The following MERTK variants were observed in gnomAD, a reference collection of about 807,000 sequenced individuals.
MERTK encodes tyrosine-protein kinase Mer.
MERTK carries 69 observed loss-of-function variants against 99.3 expected under a neutral mutation model. The observed-to-expected ratio is 0.70, with a 90% confidence interval of 0.57 to 0.85. MERTK has a LOEUF of 0.85. MERTK is among the 40% of genes least tolerant of loss of function. The pLI is 0.00. For synonymous variants in MERTK, 426 were observed against 467.6 expected (o/e 0.91, Z 1.15); for missense variants, 1,125 against 1,249.4 (o/e 0.90, Z 1.50).
At position 111,917,652 on chromosome 2, in the gene MERTK, C is replaced by T. The variant is rs148925013; in HGVS notation, c.62-11468C>T. Among the ~76,000 whole-genome samples, 1,497 of 152,122 alleles carry T rather than the reference C, an allele frequency of 9.8e-3. 28 individuals are homozygous for T. The highest frequency in any genetic ancestry group is 0.035 in the African/African-American group (1,440 of 41,510). On this transcript the variant is annotated intron_variant, in intron 1 of 18. Transcript: ENST00000295408. The stretch of plus-strand genomic sequence containing the variant: ...CTGTAATCCCAGCACTTTGGGAGGC[C>T]GAGGTGGGCGGATCACAAGGTCAAG...
chr2:112,028,338 T>G lies in MERTK; in HGVS notation c.2487-13T>G. The G allele has an allele frequency of 6.2e-7, 1 of 1,613,956 alleles. No homozygotes were observed. The highest frequency in any genetic ancestry group is 1.1e-5 in the South Asian group (1 of 91,078). The stretch of plus-strand genomic sequence containing the variant: ...CCATGCTGGGAGACAATCCACTTCT[T>G]TTTAACTTTCAGGTATGAAATAATG... On this transcript the variant is annotated splice_polypyrimidine_tract_variant and intron_variant, in intron 18 of 18. Transcript: ENST00000295408.
At chr2:112,007,372 T>G (rs569980117) in intron 13 of MERTK, among the ~76,000 whole-genome samples, 33 of 152,272 alleles carry the variant, frequency 2.2e-4, no homozygotes, top group Non-Finnish European at 4.1e-4. Context: ...GCCAGGATGG[T>G]CTCGATCTCC....
At position 111,971,578 on chromosome 2, in the gene MERTK, A is replaced by C. The variant is rs150853596; in HGVS notation, c.960+3326A>C. 5.5e-3 allele frequency among the ~76,000 whole-genome samples: 830 copies of C among 152,220 alleles called. 9 individuals are homozygous for C. The highest frequency in any genetic ancestry group is 0.019 in the African/African-American group (801 of 41,528). On this transcript the variant is annotated intron_variant, in intron 6 of 18. Transcript: ENST00000295408. The stretch of plus-strand genomic sequence containing the variant: ...TTTTTTGTCCTCTTGATTATTTAGA[A>C]GTGTGTATTTAAATTGTCACATAAT...
chr2:111,984,755 C>T (rs1676443634), intron 8 of MERTK, among the ~76,000 whole-genome samples: 1 of 152,160 alleles, frequency 6.6e-6, no homozygotes, highest in Non-Finnish European at 1.5e-5. Flanking sequence ...TATAAGTAAC[C>T]TTCTAACCTG....
At chr2:111,979,303 CA>C (rs1394532101) in intron 7 of MERTK, among the ~76,000 whole-genome samples, 3 of 152,190 alleles carry the variant, frequency 2.0e-5, no homozygotes, top group Non-Finnish European at 1.5e-5. Flanking sequence ...TATTTTCCCT[CA>C]GAAGTTTAAA....
chr2:111,975,632 C>T (rs1381954793), intron 7 of MERTK, among the ~76,000 whole-genome samples, 160 bp downstream of exon 7: 1 of 152,160 alleles, frequency 6.6e-6, no homozygotes, highest in Non-Finnish European at 1.5e-5. Context: ...AAAGATATTT[C>T]CTCCATACTG....
chr2:111,973,991 CAAAAAAAA>C (rs34537631), intron 6 of MERTK, among the ~76,000 whole-genome samples: 1 of 84,728 alleles, frequency 1.2e-5, no homozygotes, highest in Admixed American at 1.3e-4. Flanking sequence ...ATCTCCTCAT[CAAAAAAAA>C]AAAAAAAAAA....
intron 4 of MERTK, among the ~76,000 whole-genome samples, chr2:111,953,976 T>G (rs1427589950): frequency 1.3e-5 from 2 of 152,198 alleles, no homozygotes; most frequent in Non-Finnish European, 2.9e-5. Flanking sequence ...CCAGGACTGT[T>G]GCTGTCACCT....
At chr2:111,919,799 CTTTT>C (rs5833425) in intron 1 of MERTK, among the ~76,000 whole-genome samples, 8 of 130,410 alleles carry the variant, frequency 6.1e-5, no homozygotes, top group Non-Finnish European at 9.8e-5. Context: ...TTTTTCTTTT[CTTTT>C]TTTTTTTTTT....
chr2:111,945,269 G>C (rs181099928), intron 3 of MERTK, among the ~76,000 whole-genome samples: 10 of 152,320 alleles, frequency 6.6e-5, no homozygotes, highest in Non-Finnish European at 1.5e-4. Context: ...CCTGAAGTTT[G>C]AGCTCTATTA....
At chr2:112,027,668 A>C (rs964497983) in intron 18 of MERTK, among the ~76,000 whole-genome samples, 2 of 152,128 alleles carry the variant, frequency 1.3e-5, no homozygotes, top group African/African-American at 4.8e-5. Context: ...CATGTTCTGT[A>C]ATGTCCCTGA....
chr2:112,023,914 C>T (rs926325877), intron 18 of MERTK, among the ~76,000 whole-genome samples: 7 of 152,122 alleles, frequency 4.6e-5, no homozygotes, highest in African/African-American at 1.2e-4. Flanking sequence ...CACACACACA[C>T]GCCCTGCTGC....
chr2:112,011,547 G>A (rs111252024), intron 15 of MERTK, among the ~76,000 whole-genome samples: 6,593 of 152,174 alleles, frequency 0.043, 491 homozygotes, highest in African/African-American at 0.15. Flanking sequence ...AGGTCAGTTC[G>A]AGACCAGCCT....
chr2:111,914,077 TTTTCTTTC>T (rs563885531), intron 1 of MERTK, among the ~76,000 whole-genome samples: 47 of 123,162 alleles, frequency 3.8e-4, no homozygotes, highest in African/African-American at 9.3e-4. Flanking sequence ...TGTGCCCCTC[TTTTCTTTC>T]TTTCTTTCTT....
Position 112,021,433 on chromosome 2 carries a change from A to T in MERTK, c.2201A>T (p.Asp734Val), listed in dbSNP as rs770407830. ...CCTGCTCTCTGTAGGTTGCGAGATG[A>T]CATGACTGTCTGTGTTGCGGACTTC... ...LAARNCMLRD[D>V]MTVCVADFGL... The change falls in exon 17 of 19, where the codon GAC (aspartate) becomes GTC (valine). Residue 734 changes from aspartate to valine, a missense_variant. Coordinates refer to ENST00000295408, the MANE Select transcript of MERTK (RefSeq NM_006343.3). 29 of 1,613,276 alleles carry T rather than the reference A, an allele frequency of 1.8e-5. No individual in the cohort carries two copies. The highest frequency in any genetic ancestry group is 3.6e-4 in the Middle Eastern group (2 of 5,626).
chr2:111,922,341 C>T (rs1684475389), intron 1 of MERTK, among the ~76,000 whole-genome samples: 2 of 152,210 alleles, frequency 1.3e-5, no homozygotes, highest in South Asian at 4.1e-4. Flanking sequence ...ATCAAAGGAG[C>T]TCATGTTAGG....
At chr2:112,011,673 C>T (rs1336955948) in intron 15 of MERTK, among the ~76,000 whole-genome samples, 1 of 152,258 alleles carries the variant, frequency 6.6e-6, no homozygotes, top group Non-Finnish European at 1.5e-5. Flanking sequence ...ATCATTTGAA[C>T]TAGGAAGGCT....
chr2:111,970,755 TCTC>T (rs1253775930), intron 6 of MERTK, among the ~76,000 whole-genome samples: 51 of 44,716 alleles, frequency 1.1e-3, no homozygotes, highest in African/African-American at 3.2e-3. Context: ...CCTCCTCCCT[TCTC>T]CTCCTCCTCC....
At chr2:111,976,463 A>G (rs866327829) in intron 7 of MERTK, among the ~76,000 whole-genome samples, 3 of 152,160 alleles carry the variant, frequency 2.0e-5, no homozygotes, top group Admixed American at 6.5e-5. Context: ...ACCCAACATC[A>G]TAGCAAAAGA....
Sources: allele counts gnomAD v4.1 joint callset (sites outside exome capture counted in the v4.1 genomes callset), GRCh38; gene constraint gnomAD v4.1.1; transcripts MANE v1.5; gene names NCBI Gene and HGNC (gene_info 2026-07-23, HGNC 2026-07-21).